Variants in TMEM132D observed in about 807,000 individuals in gnomAD.
TMEM132D encodes transmembrane protein 132D, also known as mature OL transmembrane protein.
In TMEM132D, 21 loss-of-function variants were observed where a neutral mutation model predicts 62.3. The observed-to-expected ratio is 0.34, with a 90% confidence interval of 0.24 to 0.49. TMEM132D has a LOEUF of 0.49. Ranked by LOEUF, TMEM132D falls within the 20% of genes least tolerant of loss-of-function variation. TMEM132D has a pLI of 0.99. For synonymous variants in TMEM132D, 621 were observed against 575.6 expected (o/e 1.08, Z -1.13); for missense variants, 1,346 against 1,402.8 (o/e 0.96, Z 0.65).
chr12:129,708,934 C>G lies in TMEM132D; in HGVS notation c.80-8236G>C, dbSNP rs549453632. Among the ~76,000 whole-genome samples the G allele has an allele frequency of 9.9e-5, 15 of 152,236 alleles. No individual in the cohort carries two copies. The South Asian group carries it at 2.9e-3, about 29-fold the overall frequency. On this transcript the variant is annotated intron_variant, in intron 1 of 8. Coordinates refer to ENST00000422113, the MANE Select transcript of TMEM132D (RefSeq NM_133448.3). ...AACCACATCACATGTCCTAACCATG[C>G]AGATTAGACAGGGAACGACTGTATC... is the stretch of plus-strand genomic sequence containing the variant.
At chr12:129,396,957 T>C (rs7138988) in intron 3 of TMEM132D, among the ~76,000 whole-genome samples, 12,108 of 152,226 alleles carry the variant, frequency 0.08, 1,136 homozygotes, top group African/African-American at 0.24. Flanking sequence ...ACATTGCTTG[T>C]ACACCTGAGA....
intron 3 of TMEM132D, among the ~76,000 whole-genome samples, chr12:129,469,075 A>G (rs1437503335): frequency 6.6e-6 from 1 of 152,190 alleles, no homozygotes; most frequent in Non-Finnish European, 1.5e-5. Context: ...TTTTCAACTT[A>G]ATGAAGAAAA....
At chr12:129,409,902 CTGCT>C (rs2135705189) in intron 3 of TMEM132D, among the ~76,000 whole-genome samples, 1 of 152,304 alleles carries the variant, frequency 6.6e-6, no homozygotes, top group Non-Finnish European at 1.5e-5. Context: ...AGCAGAGACT[CTGCT>C]TGATGGGGAC....
At chr12:129,341,870 G>A (rs1241346817) in intron 3 of TMEM132D, among the ~76,000 whole-genome samples, 2 of 152,192 alleles carry the variant, frequency 1.3e-5, no homozygotes, top group East Asian at 3.9e-4. Flanking sequence ...ACTTACAAGG[G>A]ATGTGAAGGA....
chr12:129,149,227 G>C (rs935181834), intron 5 of TMEM132D, among the ~76,000 whole-genome samples: 9 of 151,970 alleles, frequency 5.9e-5, no homozygotes, highest in East Asian at 1.9e-4. Context: ...GGGCCTGTTG[G>C]GGGGTGGGGG....
chr12:129,501,047 G>C (rs533132595), intron 3 of TMEM132D, among the ~76,000 whole-genome samples: 2 of 152,290 alleles, frequency 1.3e-5, no homozygotes, highest in South Asian at 4.1e-4. Flanking sequence ...AGCACCTTTT[G>C]TCTACGATAC....
chr12:129,129,675 G>T (rs1462179513), intron 5 of TMEM132D, among the ~76,000 whole-genome samples: 1 of 152,018 alleles, frequency 6.6e-6, no homozygotes, highest in South Asian at 2.1e-4. Flanking sequence ...TTTAATACTA[G>T]CCATATTCTG....
At chr12:129,344,706 C>A (rs1333726275) in intron 3 of TMEM132D, among the ~76,000 whole-genome samples, 1 of 152,120 alleles carries the variant, frequency 6.6e-6, no homozygotes, top group Non-Finnish European at 1.5e-5. Context: ...TTTTCTCTTG[C>A]TGCATGAATC....
chr12:129,748,076 A>G (rs986419106), intron 1 of TMEM132D, among the ~76,000 whole-genome samples: 6 of 152,178 alleles, frequency 3.9e-5, no homozygotes, highest in Admixed American at 1.3e-4. Flanking sequence ...TACCTGCTTG[A>G]TAAGTATGAG....
intron 3 of TMEM132D, among the ~76,000 whole-genome samples, chr12:129,357,013 G>A (rs1422612616): frequency 2.0e-5 from 3 of 151,314 alleles, no homozygotes; most frequent in South Asian, 2.1e-4. Context: ...TCGGGAGGCC[G>A]AGGTGGGTGG....
At chr12:129,362,413 A>AAGC (rs1870277059) in intron 3 of TMEM132D, among the ~76,000 whole-genome samples, 1 of 16,766 alleles carries the variant, frequency 6.0e-5, no homozygotes, top group Admixed American at 6.1e-4. Context: ...AGCAGCCCCC[A>AAGC]CCCACCCGCC....
intron 2 of TMEM132D, among the ~76,000 whole-genome samples, chr12:129,620,586 G>A (rs954905927): frequency 3.3e-5 from 5 of 152,324 alleles, no homozygotes; most frequent in African/African-American, 1.2e-4. Flanking sequence ...GTGACAGAGT[G>A]AGACCCTGTC....
intron 1 of TMEM132D, among the ~76,000 whole-genome samples, chr12:129,756,287 T>G (rs939314140): frequency 3.9e-5 from 6 of 152,064 alleles, no homozygotes; most frequent in Non-Finnish European, 8.8e-5. Context: ...CTTACCATAA[T>G]AAAGAAGAGA....
intron 2 of TMEM132D, among the ~76,000 whole-genome samples, chr12:129,578,826 A>T (rs1877759304): frequency 6.6e-6 from 1 of 152,202 alleles, no homozygotes; most frequent in South Asian, 2.1e-4. Flanking sequence ...AGTTCTATTC[A>T]GACCTTCAAC....
At chr12:129,383,831 A>G (rs1421059240) in intron 3 of TMEM132D, among the ~76,000 whole-genome samples, 3 of 152,194 alleles carry the variant, frequency 2.0e-5, no homozygotes, top group Non-Finnish European at 4.4e-5. Context: ...GGATAACTTA[A>G]GAAGTACAGA....
intron 8 of TMEM132D, among the ~76,000 whole-genome samples, chr12:129,078,328 T>G (rs1874344982): frequency 6.6e-6 from 1 of 152,254 alleles, no homozygotes; most frequent in African/African-American, 2.4e-5. Context: ...TATATGTATT[T>G]ATTTTTTTCA....
At chr12:129,621,476 C>G (rs1416966577) in intron 2 of TMEM132D, among the ~76,000 whole-genome samples, 1 of 151,610 alleles carries the variant, frequency 6.6e-6, no homozygotes, top group African/African-American at 2.4e-5. Context: ...AAGACTTTGT[C>G]TCTTTACTCA....
At chr12:129,702,414 T>C (rs1179088072) in intron 1 of TMEM132D, among the ~76,000 whole-genome samples, 1 of 152,240 alleles carries the variant, frequency 6.6e-6, no homozygotes, top group Non-Finnish European at 1.5e-5. Flanking sequence ...TAACTCCTGA[T>C]TGATATTATC....
chr12:129,255,827 T>C (rs1880385943), intron 4 of TMEM132D, among the ~76,000 whole-genome samples: 1 of 152,208 alleles, frequency 6.6e-6, no homozygotes, highest in Non-Finnish European at 1.5e-5. Context: ...GGTTCTCTTT[T>C]ACAGAAGCAT....
Sources: gnomAD v4.1 joint callset for allele counts (sites outside exome capture counted in the v4.1 genomes callset) on GRCh38, gnomAD v4.1.1 for gene constraint, MANE v1.5 for transcripts, NCBI Gene and HGNC (gene_info 2026-07-23, HGNC 2026-07-21) for gene names.